Variants in RTTN observed in about 807,000 individuals in gnomAD.
The protein encoded by RTTN is rotatin.
RTTN carries 182 observed loss-of-function variants against 269.2 expected under a neutral mutation model. That is an observed-to-expected ratio of 0.68 (90% CI 0.60 to 0.76). RTTN has a LOEUF of 0.76. Ranked by LOEUF, RTTN falls within the 30% of genes least tolerant of loss-of-function variation. RTTN has a pLI of 0.00. For missense variants in RTTN, 2,545 were observed against 2,608.6 expected (o/e 0.98, Z 0.53); for synonymous variants, 1,006 against 963.5 (o/e 1.04, Z -0.82).
At chr18:70,021,330 T>C (rs1206320165) in intron 44 of RTTN, among the ~76,000 whole-genome samples, 1 of 152,174 alleles carries the variant, frequency 6.6e-6, no homozygotes, top group Non-Finnish European at 1.5e-5. Context: ...AAGTGGCATC[T>C]ACAGGCTTTC....
chr18:70,190,452 A>G lies in RTTN; in HGVS notation c.1189+86T>C. 3 of 954,132 alleles carry G rather than the reference A, an allele frequency of 3.1e-6. No homozygotes were observed. The South Asian group carries it at 5.1e-5, about 16-fold the overall frequency. 59.1% of individuals were successfully genotyped at this position (954,132 alleles called of 1,614,324 possible). A position where few individuals can be genotyped will look rare whatever the true frequency, so the allele number is the denominator to read the frequency against. On this transcript the variant is annotated intron_variant, in intron 9 of 48. Transcript: ENST00000640769. ...GTAAATACAGATTCCAAAGGCCCTA[A>G]CATAGAAGAGAAAAAAAGGAAAATC...
intron 33 of RTTN, 92 bp downstream of exon 33, chr18:70,075,260 T>G: frequency 1.1e-6 from 1 of 899,920 alleles, no homozygotes. Context: ...TATACTTTCA[T>G]TTTTCAAATT....
chr18:70,116,019 T>C (rs1181490943), intron 26 of RTTN, among the ~76,000 whole-genome samples: 1 of 152,024 alleles, frequency 6.6e-6, no homozygotes, highest in Non-Finnish European at 1.5e-5. Flanking sequence ...GCAATATATG[T>C]CTTTGGATAA....
In RTTN at chr18:70,145,780, G is replaced by A. The variant is rs1273960508; in HGVS notation, c.2313C>T (p.Val771=). Residue 771 remains valine (V), a synonymous_variant, in exon 18 of 49, where the codon GTC becomes GTT. Transcript: ENST00000640769. The part of the protein sequence containing the change: ...LRLLLVKKPS[V]RSLALKLLAF... ...CTAAAAGCTTTAATGCTAGCGAACG[G>A]ACCCTGAGAACACAAAGTACTTAAG... is the stretch of plus-strand genomic sequence containing the variant. 6.2e-7 allele frequency: 1 copy of A among 1,602,494 alleles called. No individual in the cohort carries two copies. The highest frequency in any genetic ancestry group is 8.5e-7 in the Non-Finnish European group (1 of 1,176,406).
At chr18:70,020,007 C>T (rs949729838) in intron 45 of RTTN, 17 of 152,132 alleles carry the variant, frequency 1.1e-4, no homozygotes, top group African/African-American at 3.9e-4. Context: ...AAGGGATTTT[C>T]CCAATTAGGG....
chr18:70,036,551 A>C (rs1000971600), intron 40 of RTTN, among the ~76,000 whole-genome samples: 5 of 152,166 alleles, frequency 3.3e-5, no homozygotes, highest in Non-Finnish European at 7.4e-5. Flanking sequence ...CAGTGGGTGA[A>C]GGGTAGCAGG....
At chr18:70,186,177 A>C (rs1266069022) in intron 10 of RTTN, among the ~76,000 whole-genome samples, 1 of 152,130 alleles carries the variant, frequency 6.6e-6, no homozygotes, top group African/African-American at 2.4e-5. Flanking sequence ...AAACAACCCC[A>C]TTGTCCACCA....
At position 70,075,545 on chromosome 18, in the gene RTTN, T is replaced by G; in HGVS notation, c.4375-4A>C. On this transcript the variant is annotated splice_polypyrimidine_tract_variant and splice_region_variant and intron_variant, in intron 32 of 48. Coordinates refer to ENST00000640769, the MANE Select transcript of RTTN (RefSeq NM_173630.4). ...CCTCATCATGAACACAGGGACCCTG[T>G]AGGAAGAGAGGGAAAGAAGGAGGAG... The G allele has an allele frequency of 6.4e-7, 1 of 1,554,244 alleles. No individual in the cohort carries two copies. Among genetic ancestry groups the G allele is most frequent in the South Asian group, 1.3e-5 (1 of 79,702 alleles).
intron 24 of RTTN, 137 bp from the exon 25 acceptor site, chr18:70,127,878 A>G (rs2059906189): frequency 1.3e-6 from 1 of 751,854 alleles, no homozygotes; most frequent in Admixed American, 2.9e-5. Context: ...TACAGCCAGA[A>G]GAAAAACTGA....
Position 70,188,177 on chromosome 18 carries a change from A to C in RTTN, c.1236T>G (p.Asp412Glu). Residue 412 changes from aspartate (D) to glutamate (E), a missense_variant, in exon 10 of 49, where the codon GAT becomes GAG. By Grantham distance (45) the Asp-to-Glu change is conservative. Coordinates refer to ENST00000640769, the MANE Select transcript of RTTN (RefSeq NM_173630.4). ...IIRVLELLTE[D>E]MTLIGEAIST... Reference sequence around the variant, plus strand: ...AAATTGCTTCACCAATAAGTGTCATATCCTCTGTAAGCAATTCCAGAACTC... The same window carrying C: ...AAATTGCTTCACCAATAAGTGTCATCTCCTCTGTAAGCAATTCCAGAACTC... The C allele has an allele frequency of 1.2e-6, 2 of 1,612,404 alleles. No homozygotes were observed. Among genetic ancestry groups the C allele is most frequent in the Non-Finnish European group, 1.7e-6 (2 of 1,178,660 alleles).
intron 10 of RTTN, among the ~76,000 whole-genome samples, chr18:70,187,475 A>T (rs1358434046): frequency 1.3e-5 from 2 of 152,196 alleles, no homozygotes; most frequent in Non-Finnish European, 2.9e-5. Context: ...TCTCTGAGCT[A>T]CATTTTTATG....
At chr18:70,184,369 C>A (rs2061485542) in intron 10 of RTTN, among the ~76,000 whole-genome samples, 1 of 152,014 alleles carries the variant, frequency 6.6e-6, no homozygotes, top group African/African-American at 2.4e-5. Flanking sequence ...GCCTGGCCAA[C>A]ATGGTGAAAC....
At chr18:70,021,868 G>GTT (rs2056714810) in intron 44 of RTTN, among the ~76,000 whole-genome samples, 1 of 152,166 alleles carries the variant, frequency 6.6e-6, no homozygotes, top group Non-Finnish European at 1.5e-5. Context: ...GCATCTGGCA[G>GTT]TAACTAGATG....
chr18:70,168,771 TA>T, intron 12 of RTTN, 83 bp downstream of exon 12: 2 of 992,990 alleles, frequency 2.0e-6, no homozygotes, highest in South Asian at 1.6e-5. Context: ...AATTTAATTA[TA>T]TGTCCATCAA....
At chr18:70,016,633 T>A (rs1159355721) in intron 46 of RTTN, among the ~76,000 whole-genome samples, 2 of 152,144 alleles carry the variant, frequency 1.3e-5, no homozygotes, top group African/African-American at 4.8e-5. Flanking sequence ...TTCCGATTCT[T>A]TTTGCTTCAA....
intron 33 of RTTN, 72 bp from the exon 34 acceptor site, chr18:70,074,066 A>C (rs1428488590): frequency 9.5e-7 from 1 of 1,048,938 alleles, no homozygotes; most frequent in Non-Finnish European, 1.4e-6. Flanking sequence ...AAGGGTACGC[A>C]TTACAGGAAA....
At chr18:70,168,151 G>A (rs1330501653) in intron 12 of RTTN, among the ~76,000 whole-genome samples, 1 of 151,514 alleles carries the variant, frequency 6.6e-6, no homozygotes, top group Non-Finnish European at 1.5e-5. Flanking sequence ...AATAGGTTCA[G>A]ATAGATTCTA....
chr18:70,171,591 CT>C (rs1481136526), intron 11 of RTTN, among the ~76,000 whole-genome samples: 2 of 152,202 alleles, frequency 1.3e-5, no homozygotes, highest in African/African-American at 4.8e-5. Context: ...ATTTACACCC[CT>C]AATCTAAGAT....
intron 41 of RTTN, 132 bp downstream of exon 41, chr18:70,030,740 AAAAT>A: frequency 1.8e-6 from 1 of 563,130 alleles, no homozygotes; most frequent in Middle Eastern, 3.6e-4. Context: ...TATGGGAAAA[AAAAT>A]TATTTTTAGT....
Sources: allele counts gnomAD v4.1 joint callset (sites outside exome capture counted in the v4.1 genomes callset), GRCh38; gene constraint gnomAD v4.1.1; transcripts MANE v1.5; gene names NCBI Gene and HGNC (gene_info 2026-07-23, HGNC 2026-07-21).